Variants in ANKFN1 observed in about 807,000 individuals in gnomAD.
The protein encoded by ANKFN1 is ankyrin repeat and fibronectin type-III domain-containing protein 1.
Under a neutral mutation model 108.7 loss-of-function variants are expected in ANKFN1, and 74 were observed. That is an observed-to-expected ratio of 0.68 (90% CI 0.56 to 0.83). The LOEUF (loss-of-function observed/expected upper bound fraction) is 0.83, where lower values mean the gene tolerates loss of function less well. Among genes scored for constraint, ANKFN1 ranks in the 40% least tolerant of loss-of-function variants. The pLI, the probability that ANKFN1 is intolerant of heterozygous loss-of-function variation, is 0.00. For synonymous variants in ANKFN1, 547 were observed against 516.2 expected (o/e 1.06, Z -0.81); for missense variants, 1,505 against 1,382.3 (o/e 1.09, Z -1.41).
intron 8 of ANKFN1, among the ~76,000 whole-genome samples, chr17:56,400,355 CAT>C (rs1465279286): frequency 2.0e-5 from 3 of 152,034 alleles, no homozygotes; most frequent in Non-Finnish European, 2.9e-5. Flanking sequence ...AGCATTTTTT[CAT>C]ATGTTTGTTG....
At chr17:56,077,597 T>A (rs375115232) in intron 4 of ANKFN1, among the ~76,000 whole-genome samples, 1 of 152,206 alleles carries the variant, frequency 6.6e-6, no homozygotes, top group Non-Finnish European at 1.5e-5. Flanking sequence ...TTTGGCTTAT[T>A]TTGTGCATTT....
Position 56,134,661 on chromosome 17 carries a change from C to T in ANKFN1, c.288+88336C>T, listed in dbSNP as rs764851229. On this transcript the variant is annotated intron_variant, in intron 4 of 12. Coordinates refer to the ANKFN1 transcript ENST00000635860. Reference sequence around the variant, plus strand: ...TCTATGCCAGAAACTGGGGGCAATACGTGTATTTCTTATTATTTCACAGTA... The same window carrying T: ...TCTATGCCAGAAACTGGGGGCAATATGTGTATTTCTTATTATTTCACAGTA... 9.2e-5 allele frequency among the ~76,000 whole-genome samples: 14 copies of T among 152,192 alleles called. 1 individual carries two copies. The highest frequency in any genetic ancestry group is 1.3e-4 in the Admixed American group (2 of 15,282).
chr17:56,413,492 G>A (rs1201713610), intron 8 of ANKFN1, among the ~76,000 whole-genome samples: 2 of 152,162 alleles, frequency 1.3e-5, no homozygotes, highest in African/African-American at 4.8e-5. Flanking sequence ...GGGCATCCTT[G>A]TCTTATGCCA....
intron 8 of ANKFN1, among the ~76,000 whole-genome samples, chr17:56,435,180 C>T (rs115271899): frequency 2.2e-3 from 333 of 152,226 alleles, no homozygotes; most frequent in African/African-American, 7.5e-3. Context: ...TCTGTACCAG[C>T]GTGAAATTCC....
At chr17:56,481,166 A>G (rs1598696036) in intron 17 of ANKFN1, among the ~76,000 whole-genome samples, 1 of 152,206 alleles carries the variant, frequency 6.6e-6, no homozygotes, top group East Asian at 1.9e-4. Flanking sequence ...TAAAGCAAAG[A>G]GAACATATAA....
intron 20 of ANKFN1, among the ~76,000 whole-genome samples, chr17:56,508,020 G>A (rs1200200417): frequency 6.6e-6 from 1 of 152,202 alleles, no homozygotes; most frequent in Non-Finnish European, 1.5e-5. Context: ...TGTCTGTCTA[G>A]CACAAAATAA....
intron 4 of ANKFN1, among the ~76,000 whole-genome samples, chr17:56,086,955 T>C (rs1374976091): frequency 6.6e-6 from 1 of 151,486 alleles, no homozygotes; most frequent in East Asian, 1.9e-4. Context: ...TATCATCTCC[T>C]TTTCAGGCAT....
In ANKFN1 at chr17:56,092,369, G is replaced by A. The variant is rs191484495; in HGVS notation, c.288+46044G>A. ...GGCTCACTACAAGCTCTGCCTCCCG[G>A]GTTCAGGTGATTCTCCTGCCTCAGC... On this transcript the variant is annotated intron_variant, in intron 4 of 12. Transcript: ENST00000635860. Among the ~76,000 whole-genome samples, 485 of 148,286 alleles carry A rather than the reference G, an allele frequency of 3.3e-3. 11 individuals are homozygous for A. Among genetic ancestry groups the A allele is most frequent in the African/African-American group, 0.012 (465 of 39,898 alleles).
chr17:56,485,657 AT>A (rs960248709), intron 18 of ANKFN1, among the ~76,000 whole-genome samples: 74 of 152,330 alleles, frequency 4.9e-4, no homozygotes, highest in African/African-American at 1.6e-3. Context: ...TTTAAAAATA[AT>A]TTTTTTAAAG....
rs77142723 is a variant in ANKFN1, at chr17:56,185,907, C to T, written c.-70-26691C>T. On this transcript the variant is annotated intron_variant, in intron 1 of 20. Coordinates refer to ENST00000682825, the MANE Select transcript of ANKFN1 (RefSeq NM_001370326.1). The stretch of plus-strand genomic sequence containing the variant: ...CTCCTGAAGTGGAGGGTTAGGAAAC[C>T]GCATTAAAAATTAAAGTGAAAAAAA... Among the ~76,000 whole-genome samples the T allele has an allele frequency of 6.3e-3, 935 of 148,820 alleles. 3 individuals are homozygous for T. The highest frequency in any genetic ancestry group is 0.012 in the South Asian group (54 of 4,418).
intron 2 of ANKFN1, among the ~76,000 whole-genome samples, chr17:56,213,411 T>C (rs2143822735): frequency 6.6e-6 from 1 of 152,234 alleles, no homozygotes; most frequent in South Asian, 2.1e-4. Context: ...CACAGTCTAG[T>C]AAGACAATCT....
At chr17:56,392,650 A>C (rs1422050425) in intron 8 of ANKFN1, among the ~76,000 whole-genome samples, 1 of 152,182 alleles carries the variant, frequency 6.6e-6, no homozygotes, top group Non-Finnish European at 1.5e-5. Flanking sequence ...CAAATATTTC[A>C]CACGATATGG....
intron 6 of ANKFN1, among the ~76,000 whole-genome samples, chr17:56,365,031 A>C (rs2046623473): frequency 6.6e-6 from 1 of 152,216 alleles, no homozygotes; most frequent in African/African-American, 2.4e-5. Flanking sequence ...TTTTGAATTA[A>C]AAGTATTTAA....
chr17:56,083,143 GCTAAGTGGA>G (rs772982861), intron 4 of ANKFN1, among the ~76,000 whole-genome samples: 16 of 151,484 alleles, frequency 1.1e-4, no homozygotes, highest in Non-Finnish European at 1.9e-4. Flanking sequence ...CAGTAGGGAA[GCTAAGTGGA>G]CACTCAGAGA....
intron 1 of ANKFN1, among the ~76,000 whole-genome samples, chr17:56,179,938 T>G (rs983394446): frequency 6.6e-6 from 1 of 152,184 alleles, no homozygotes; most frequent in African/African-American, 2.4e-5. Context: ...ACCAGTAGAT[T>G]GAGCTCATCT....
chr17:56,138,336 G>T (rs1279736423), intron 4 of ANKFN1, among the ~76,000 whole-genome samples: 3 of 152,080 alleles, frequency 2.0e-5, no homozygotes, highest in African/African-American at 7.2e-5. Context: ...CCAGTTATTT[G>T]CTGACCACTG....
intron 3 of ANKFN1, among the ~76,000 whole-genome samples, chr17:56,268,233 C>G (rs1287043265): frequency 6.6e-6 from 1 of 152,176 alleles, no homozygotes; most frequent in Non-Finnish European, 1.5e-5. Flanking sequence ...ATCAACCACT[C>G]TCTTGGACCG....
chr17:56,364,926 G>A (rs2046621089), intron 6 of ANKFN1, among the ~76,000 whole-genome samples: 1 of 152,188 alleles, frequency 6.6e-6, no homozygotes, highest in Admixed American at 6.5e-5. Flanking sequence ...TGTAATAACA[G>A]CTTGAGACCT....
chr17:56,484,309 A>T (rs1176744750), intron 18 of ANKFN1, among the ~76,000 whole-genome samples: 1 of 152,184 alleles, frequency 6.6e-6, no homozygotes, highest in African/African-American at 2.4e-5. Context: ...GAGGTCAAAA[A>T]CTTCAAAGAT....
Sources: gnomAD v4.1 joint callset for allele counts (sites outside exome capture counted in the v4.1 genomes callset) on GRCh38, gnomAD v4.1.1 for gene constraint, MANE v1.5 for transcripts, NCBI Gene and HGNC (gene_info 2026-07-23, HGNC 2026-07-21) for gene names.